Variants in DMD observed in about 807,000 individuals in gnomAD.
The protein encoded by DMD is dystrophin.
Under a neutral mutation model 330.1 loss-of-function variants are expected in DMD, and 63 were observed. The ratio of observed to expected loss-of-function variants is 0.19; its 90% CI spans 0.16 to 0.24. The LOEUF is 0.24. Among genes scored for constraint, DMD ranks in the 10% least tolerant of loss-of-function variants. The pLI is 1.00. For synonymous variants in DMD, 1,223 were observed against 959.8 expected, an observed-to-expected ratio of 1.27 and a Z score of -5.07; for missense variants, 3,344 against 2,684.1, an observed-to-expected ratio of 1.25 and a Z score of -5.43.
chrX:31,967,953 T>C, intron 45 of DMD, among the ~76,000 whole-genome samples: 1 of 111,893 alleles, frequency 8.9e-6, no homozygotes, highest in Admixed American at 9.5e-5. Flanking sequence ...TATTCATAGC[T>C]ATTTTTAAAA....
chrX:32,092,272 C>A (rs1361037831), intron 44 of DMD, among the ~76,000 whole-genome samples: 1 of 111,936 alleles, frequency 8.9e-6, no homozygotes, highest in African/African-American at 3.2e-5. Flanking sequence ...CACCGTAATC[C>A]GCTGGTTTAT....
chrX:31,272,672 A>C (rs1042485758), intron 62 of DMD, among the ~76,000 whole-genome samples: 13 of 112,485 alleles, frequency 1.2e-4, no homozygotes, highest in African/African-American at 4.2e-4. Context: ...AAATCAGGGA[A>C]GTCTGCGTCT....
intron 2 of DMD, among the ~76,000 whole-genome samples, chrX:32,941,739 C>T (rs1405821612): frequency 9.0e-6 from 1 of 110,921 alleles, no homozygotes; most frequent in African/African-American, 3.3e-5. Context: ...CATTCGTACC[C>T]CAAACCCCTG....
intron 60 of DMD, among the ~76,000 whole-genome samples, chrX:31,434,458 A>G (rs1362002106): frequency 2.9e-5 from 3 of 102,899 alleles, no homozygotes; most frequent in African/African-American, 1.1e-4. Flanking sequence ...ACACACACAC[A>G]CACACACACA....
chrX:31,884,138 C>A (rs915153012), intron 47 of DMD, among the ~76,000 whole-genome samples: 3 of 111,590 alleles, frequency 2.7e-5, no homozygotes, highest in African/African-American at 9.8e-5. Flanking sequence ...GCAATCTTAT[C>A]TCTGGGCATA....
intron 1 of DMD, among the ~76,000 whole-genome samples, chrX:33,098,361 G>C (rs942836726): frequency 8.9e-6 from 1 of 111,955 alleles, no homozygotes. Flanking sequence ...ATATGGGTAT[G>C]CCTAGGAGCA....
intron 13 of DMD, among the ~76,000 whole-genome samples, chrX:32,586,225 C>A (rs2054275587): frequency 1.8e-5 from 2 of 110,034 alleles, no homozygotes; most frequent in Non-Finnish European, 3.8e-5. Flanking sequence ...CTCAAAATAG[C>A]CAAAGGTGTA....
intron 43 of DMD, among the ~76,000 whole-genome samples, chrX:32,224,474 T>G (rs979047291): frequency 9.0e-6 from 1 of 111,692 alleles, no homozygotes; most frequent in Non-Finnish European, 1.9e-5. Context: ...TACAAGATAA[T>G]GCATGAACAG....
At chrX:32,585,327 A>G (rs551228993) in intron 13 of DMD, among the ~76,000 whole-genome samples, 4 of 112,507 alleles carry the variant, frequency 3.6e-5, no homozygotes, top group African/African-American at 1.3e-4. Context: ...CATGTACTCT[A>G]TAAGTATGTA....
intron 52 of DMD, among the ~76,000 whole-genome samples, chrX:31,719,788 C>T (rs2030004): frequency 0.13 from 14,664 of 110,737 alleles, 859 homozygotes; most frequent in Admixed American, 0.31. Flanking sequence ...CATAAGAACA[C>T]TCAAGTAGTC....
At chrX:32,885,144 C>A (rs2084395201) in intron 2 of DMD, among the ~76,000 whole-genome samples, 1 of 111,650 alleles carries the variant, frequency 9.0e-6, no homozygotes, top group Non-Finnish European at 1.9e-5. Flanking sequence ...CCCATAAAGA[C>A]AATATTTCCT....
intron 1 of DMD, among the ~76,000 whole-genome samples, chrX:33,296,599 T>C (rs749809321): frequency 1.6e-4 from 18 of 110,966 alleles, no homozygotes; most frequent in Non-Finnish European, 2.5e-4. Context: ...AAAAGAAAAA[T>C]TCTAGTTTTT....
At chrX:32,731,871 G>A (rs996395312) in intron 7 of DMD, among the ~76,000 whole-genome samples, 4 of 112,038 alleles carry the variant, frequency 3.6e-5, no homozygotes, top group African/African-American at 1.3e-4. Context: ...TCCTCCAAAG[G>A]AACACAGTTC....
At chrX:31,130,336 TAGTAA>T (rs1225766554) in intron 77 of DMD, among the ~76,000 whole-genome samples, 1 of 112,080 alleles carries the variant, frequency 8.9e-6, no homozygotes, top group Non-Finnish European at 1.9e-5. Flanking sequence ...GAGTACCTTA[TAGTAA>T]AGTAGATAAT....
intron 45 of DMD, among the ~76,000 whole-genome samples, chrX:31,941,285 A>G (rs2094996422): frequency 9.0e-6 from 1 of 111,695 alleles, no homozygotes. Flanking sequence ...TTTGAATCCC[A>G]GTTCAGTTTT....
intron 63 of DMD, among the ~76,000 whole-genome samples, chrX:31,237,701 C>T (rs182746081): frequency 5.4e-5 from 6 of 111,410 alleles, no homozygotes; most frequent in Admixed American, 2.9e-4. Context: ...ACCGGTACTC[C>T]GGGAAAATAC....
At chrX:32,254,013 T>A (rs762691838) in intron 43 of DMD, among the ~76,000 whole-genome samples, 22 of 111,347 alleles carry the variant, frequency 2.0e-4, no homozygotes, top group Non-Finnish European at 3.4e-4. Context: ...ATGAAAACTC[T>A]TCTGCAAAAG....
chrX:31,926,188 T>C (rs1211331280), intron 47 of DMD, among the ~76,000 whole-genome samples: 2 of 111,389 alleles, frequency 1.8e-5, no homozygotes, highest in African/African-American at 6.5e-5. Flanking sequence ...ACGGGTATCA[T>C]TGTTAAAGGC....
At chrX:32,366,404 T>G (rs1435968468) in intron 34 of DMD, among the ~76,000 whole-genome samples, 1 of 112,126 alleles carries the variant, frequency 8.9e-6, no homozygotes, top group Non-Finnish European at 1.9e-5. Context: ...TGATTGGCAC[T>G]CGAGTTGAAA....
Sources: gnomAD v4.1 joint callset for allele counts (sites outside exome capture counted in the v4.1 genomes callset) on GRCh38, gnomAD v4.1.1 for gene constraint, MANE v1.5 for transcripts, NCBI Gene and HGNC (gene_info 2026-07-23, HGNC 2026-07-21) for gene names.